TSTD2: variants seen among roughly 807,000 people sequenced by gnomAD.
The protein encoded by TSTD2 is thiosulfate sulfurtransferase/rhodanese-like domain-containing protein 2.
A neutral mutation model predicts 47.9 loss-of-function variants in TSTD2; 37 were observed. The ratio of observed to expected loss-of-function variants is 0.77; its 90% confidence interval spans 0.59 to 1.02. TSTD2 has a LOEUF of 1.02. Among genes scored for constraint, TSTD2 ranks in the 50% least tolerant of loss-of-function variants. The pLI is 0.00. For synonymous variants in TSTD2, 201 were observed against 215.9 expected, an observed-to-expected ratio of 0.93 and a Z score of 0.61; for missense variants, 586 against 616.0, an observed-to-expected ratio of 0.95 and a Z score of 0.52.
chr9:97,632,863 G>C (rs1249445970), intron 1 of TSTD2, among the ~76,000 whole-genome samples: 3 of 152,204 alleles, frequency 2.0e-5, no homozygotes, highest in Non-Finnish European at 4.4e-5. Context: ...AAATGGGTAA[G>C]ACCGAAGGAG....
intron 6 of TSTD2, 92 bp from the exon 7 acceptor site, chr9:97,606,353 G>C: frequency 1.4e-6 from 1 of 698,126 alleles, no homozygotes; most frequent in Non-Finnish European, 2.4e-6. Flanking sequence ...GTGTTGCTTT[G>C]TTTCTTTCCA....
intron 3 of TSTD2, among the ~76,000 whole-genome samples, chr9:97,621,770 C>A (rs143472127): frequency 2.0e-5 from 3 of 152,168 alleles, no homozygotes; most frequent in South Asian, 2.1e-4. Context: ...AAAGACAATG[C>A]GTGCACAGTG....
rs1037412201 is a variant in TSTD2 at position 97,600,293 on chromosome 9, C to T, written c.*2176G>A. The T allele has an allele frequency of 2.6e-5, 26 of 986,132 alleles. No homozygotes were observed. In the African/African-American group the frequency reaches 4.2e-4, roughly 16 times the overall value. 61.1% of individuals were successfully genotyped at this position (986,132 alleles called of 1,614,324 possible). On this transcript the variant is annotated 3_prime_UTR_variant, in exon 10 of 10. Transcript: ENST00000341170. The stretch of plus-strand genomic sequence containing the variant: ...TCTGCCAGGAGTCAACATGAGATTC[C>T]TTTTGCTGGATATGCAGAAATGATA...
intron 1 of TSTD2, among the ~76,000 whole-genome samples, chr9:97,631,433 GA>G (rs112146909): frequency 4.6e-5 from 7 of 152,164 alleles, no homozygotes; most frequent in African/African-American, 1.7e-4. Context: ...CTTTGCTTTT[GA>G]AGTACAATCC....
Position 97,625,681 on chromosome 9 carries a change from CT to C in TSTD2, c.481del (p.Ser161ValfsTer131). ...ISCFNPDELI[S>X]GQGSEEGEVL... ...CCAAAATACAGAATGAAAATCTTAC[CT>C]TATCAGCTCATCAGGGTTAAAGCAG... is the stretch of plus-strand genomic sequence containing the variant. On this transcript the variant is annotated frameshift_variant and splice_region_variant, in exon 3 of 10. Transcript: ENST00000341170. LOFTEE classifies it high-confidence loss of function. The C allele has an allele frequency of 1.2e-6, 2 of 1,600,156 alleles. No homozygotes were observed. Among genetic ancestry groups the C allele is most frequent in the Non-Finnish European group, 1.7e-6 (2 of 1,172,410 alleles).
At chr9:97,610,965 A>T (rs1826447546) in intron 5 of TSTD2, 2 of 152,584 alleles carry the variant, frequency 1.3e-5, no homozygotes, top group Admixed American at 1.3e-4. Flanking sequence ...GTGAGCTAAT[A>T]TGTCCAAGAT....
At chr9:97,604,298 A>G (rs1826327483) in intron 9 of TSTD2, 1 of 156,342 alleles carries the variant, frequency 6.4e-6, no homozygotes, top group African/African-American at 2.4e-5. Context: ...GCCTACATTC[A>G]TAACTAAAGG....
chr9:97,631,245 T>G (rs1460150990), intron 1 of TSTD2, among the ~76,000 whole-genome samples: 1 of 151,952 alleles, frequency 6.6e-6, no homozygotes, highest in Admixed American at 6.6e-5. Context: ...GCCTCCCGAG[T>G]AGCTGGGAGT....
chr9:97,626,830 A>G (rs1661542517), intron 2 of TSTD2, among the ~76,000 whole-genome samples: 1 of 152,162 alleles, frequency 6.6e-6, no homozygotes, highest in African/African-American at 2.4e-5. Flanking sequence ...TGTGGGTGCC[A>G]TTTTATCCAT....
Position 97,626,378 on chromosome 9 carries a change from A to C in TSTD2, c.166-381T>G, listed in dbSNP as rs144993294. Among the ~76,000 whole-genome samples, 365 of 152,334 alleles carry C rather than the reference A, an allele frequency of 2.4e-3. 5 individuals carry two copies. The highest frequency in any genetic ancestry group is 7.7e-3 in the African/African-American group (321 of 41,590). On this transcript the variant is annotated intron_variant, in intron 2 of 9. Transcript: ENST00000341170. ...GAAGTATGCTTACCATGGAATATTA[A>C]GCAGCCAGTTTTAAGTTATATGGAA...
intron 6 of TSTD2, among the ~76,000 whole-genome samples, chr9:97,608,715 A>G (rs1441804798): frequency 1.3e-5 from 2 of 152,146 alleles, no homozygotes; most frequent in Admixed American, 6.5e-5. Flanking sequence ...TCTGCCTGCA[A>G]TGTCCTGCAG....
At chr9:97,627,192 C>T (rs968202424) in intron 2 of TSTD2, 5 of 975,792 alleles carry the variant, frequency 5.1e-6, no homozygotes, top group East Asian at 3.7e-5. Flanking sequence ...TGTCTAGGAT[C>T]CACCCTCCTC....
chr9:97,603,180 C>A (rs1826300514), intron 9 of TSTD2: 1 of 182,168 alleles, frequency 5.5e-6, no homozygotes, highest in Admixed American at 6.3e-5. Context: ...CAGGCGATAA[C>A]CCACCTACAG....
At position 97,606,172 on chromosome 9, in the gene TSTD2, CAAG is replaced by C; in HGVS notation, c.922_924del (p.Leu308del). 2 of 1,610,786 alleles carry C rather than the reference CAAG, an allele frequency of 1.2e-6. No homozygotes were observed. Among genetic ancestry groups the C allele is most frequent in the South Asian group, 1.1e-5 (1 of 90,474 alleles). On this transcript the variant is annotated inframe_deletion, in exon 7 of 10. Transcript: ENST00000341170. ...TTGCTTTCATAGAAGTTTCTGCAATCAAGAAGGATAGTATCACTTTGTTCTTGA... is the reference window on the plus strand; with the variant it reads ...TTGCTTTCATAGAAGTTTCTGCAATCAAGGATAGTATCACTTTGTTCTTGA...
chr9:97,617,654 A>G, intron 4 of TSTD2, 103 bp downstream of exon 4: 1 of 1,399,082 alleles, frequency 7.1e-7, no homozygotes, highest in East Asian at 2.4e-5. Flanking sequence ...AACTTTTAAG[A>G]ACTCAACAGT....
In TSTD2 at chr9:97,602,653, C is replaced by T. The variant is rs763245176; in HGVS notation, c.1367G>A (p.Cys456Tyr). The T allele has an allele frequency of 5.6e-6, 9 of 1,614,104 alleles. No homozygotes were observed. The highest frequency in any genetic ancestry group is 5.5e-5 in the South Asian group (5 of 91,078). The change falls in exon 10 of 10, where the codon TGT (cysteine) becomes TAT (tyrosine). Residue 456 changes from cysteine to tyrosine, a missense_variant. Cys to Tyr is a radical substitution (Grantham distance 194). Transcript: ENST00000341170. The part of the protein sequence containing the change: ...ACQGQGFTAC[C>Y]VTCQDKGSRK... ...GCTCCCCTTGTCTTGACATGTGACA[C>T]AACAGGCTGTGAATCCTTGTCCTTG...
At position 97,602,566 on chromosome 9, in the gene TSTD2, C is replaced by T. The variant is rs1365690484; in HGVS notation, c.1454G>A (p.Arg485Gln). Residue 485 changes from arginine (R) to glutamine (Q), a missense_variant, in exon 10 of 10, where the codon CGG (arginine) becomes CAG (glutamine). Physicochemically the swap from Arg to Gln is conservative, Grantham distance 43. Coordinates refer to ENST00000341170, the MANE Select transcript of TSTD2 (RefSeq NM_139246.5). ...FKEECECTAR[R>Q]PRIPRELLQH... is the part of the protein sequence containing the mutation. Reference sequence around the variant, plus strand: ...CAAGAGTTCCCTAGGTATGCGTGGCCGTCGGGCTGTGCACTCGCATTCCTC... The same window carrying T: ...CAAGAGTTCCCTAGGTATGCGTGGCTGTCGGGCTGTGCACTCGCATTCCTC... 23 of 1,614,054 alleles carry T rather than the reference C, an allele frequency of 1.4e-5. No individual in the cohort carries two copies. The highest frequency in any genetic ancestry group is 1.0e-4 in the Admixed American group (6 of 60,010).
At chr9:97,616,729 G>A (rs1037436899) in intron 4 of TSTD2, among the ~76,000 whole-genome samples, 3 of 152,190 alleles carry the variant, frequency 2.0e-5, no homozygotes, top group Non-Finnish European at 4.4e-5. Context: ...CATAACCAGA[G>A]GGGGTTTTGG....
intron 3 of TSTD2, among the ~76,000 whole-genome samples, chr9:97,623,668 G>A (rs960131485): frequency 1.3e-5 from 2 of 152,142 alleles, no homozygotes; most frequent in African/African-American, 4.8e-5. Flanking sequence ...AGACTAGTCT[G>A]GCCAACATGG....
Sources: gnomAD v4.1 joint callset for allele counts (sites outside exome capture counted in the v4.1 genomes callset) on GRCh38, gnomAD v4.1.1 for gene constraint, MANE v1.5 for transcripts, NCBI Gene and HGNC (gene_info 2026-07-23, HGNC 2026-07-21) for gene names.